CFAP58: variants seen among roughly 807,000 people sequenced by gnomAD.
The protein encoded by CFAP58 is cilia and flagella associated protein 58.
A neutral mutation model predicts 119.5 loss-of-function variants in CFAP58; 88 were observed. That is an observed-to-expected ratio of 0.74 (90% CI 0.62 to 0.88). The LOEUF is 0.88. Ranked by LOEUF, CFAP58 falls within the 40% of genes least tolerant of loss-of-function variation. The probability of loss-of-function intolerance (pLI) is 0.00; values close to 1 mark genes in which losing one functional copy is unlikely to be tolerated. For missense variants in CFAP58, 990 were observed against 1,021.2 expected (o/e 0.97, Z 0.42); for synonymous variants, 365 against 366.3 (o/e 1.00, Z 0.04).
chr10:104,370,930 C>T lies in CFAP58; in HGVS notation c.966C>T (p.Asp322=). The T allele has an allele frequency of 6.2e-7, 1 of 1,613,398 alleles. No individual in the cohort carries two copies. The highest frequency in any genetic ancestry group is 8.5e-7 in the Non-Finnish European group (1 of 1,179,824). Residue 322 remains aspartate, a synonymous_variant, in exon 7 of 18, where the codon GAC becomes GAT. Transcript: ENST00000369704. ...KEEEVHQMRL[D]IGKLNKIREQ... Reference sequence around the variant, plus strand: ...AAGAAGTCCATCAAATGCGCCTTGACATCGGGAAGCTCAACAAAATCAGAG... The same window carrying T: ...AAGAAGTCCATCAAATGCGCCTTGATATCGGGAAGCTCAACAAAATCAGAG...
In CFAP58 at chr10:104,361,562, A is replaced by T. The variant is rs188106615; in HGVS notation, c.292-461A>T. Among the ~76,000 whole-genome samples, 6 of 152,252 alleles carry T rather than the reference A, an allele frequency of 3.9e-5. No individual in the cohort carries two copies. The East Asian group carries it at 1.2e-3, about 29-fold the overall frequency. On this transcript the variant is annotated intron_variant, in intron 2 of 17. Transcript: ENST00000369704. ...TGATAAAACTTATTTTTTTCCTTTT[A>T]ATATCTGGACTTAGAAAGCACATAA...
chr10:104,445,264 A>G (rs1396821304), intron 15 of CFAP58, among the ~76,000 whole-genome samples: 1 of 149,488 alleles, frequency 6.7e-6, no homozygotes. Flanking sequence ...TTGAGGCTGC[A>G]GTGAGATATG....
At chr10:104,431,425 A>G (rs1429250620) in intron 15 of CFAP58, among the ~76,000 whole-genome samples, 2 of 152,244 alleles carry the variant, frequency 1.3e-5, no homozygotes, top group Non-Finnish European at 2.9e-5. Context: ...ACTAAATTTT[A>G]AAAACTTCCT....
chr10:104,452,778 A>G (rs1375046207), intron 17 of CFAP58, among the ~76,000 whole-genome samples: 1 of 152,244 alleles, frequency 6.6e-6, no homozygotes, highest in Non-Finnish European at 1.5e-5. Flanking sequence ...AAAGTTCTAG[A>G]AAGCTCTAGA....
At chr10:104,357,871 A>G (rs1352564933) in intron 1 of CFAP58, among the ~76,000 whole-genome samples, 1 of 127,424 alleles carries the variant, frequency 7.8e-6, no homozygotes, top group African/African-American at 3.0e-5. Context: ...ATATATACAC[A>G]TATATGTACA....
At chr10:104,400,517 G>A (rs978311477) in intron 12 of CFAP58, among the ~76,000 whole-genome samples, 163 bp from the exon 13 acceptor site, 2 of 152,080 alleles carry the variant, frequency 1.3e-5, no homozygotes, top group Non-Finnish European at 2.9e-5. Flanking sequence ...TAATGGGAGG[G>A]GTCCAGTGTT....
chr10:104,450,343 A>T (rs1001888214), intron 17 of CFAP58, 139 bp downstream of exon 17: 9 of 880,972 alleles, frequency 1.0e-5, no homozygotes, highest in Non-Finnish European at 1.4e-5. Context: ...TCTACAGGTC[A>T]CTAAGTTTGT....
chr10:104,381,888 G>C (rs1242699993), intron 9 of CFAP58, among the ~76,000 whole-genome samples: 1 of 152,112 alleles, frequency 6.6e-6, no homozygotes, highest in Non-Finnish European at 1.5e-5. Flanking sequence ...TTTCTCTTCT[G>C]ACTTAACCAT....
intron 11 of CFAP58, among the ~76,000 whole-genome samples, chr10:104,396,861 G>T (rs985300632): frequency 2.8e-4 from 42 of 152,118 alleles, no homozygotes; most frequent in African/African-American, 9.9e-4. Flanking sequence ...ACTGCTAAAT[G>T]CATTAGACCC....
At chr10:104,413,772 G>T (rs985421405) in intron 15 of CFAP58, among the ~76,000 whole-genome samples, 1 of 150,984 alleles carries the variant, frequency 6.6e-6, no homozygotes, top group African/African-American at 2.4e-5. Context: ...CTAATAATGG[G>T]CATAAGGCAT....
chr10:104,443,110 G>C (rs1273117580), intron 15 of CFAP58, among the ~76,000 whole-genome samples: 2 of 152,158 alleles, frequency 1.3e-5, no homozygotes, highest in African/African-American at 4.8e-5. Flanking sequence ...CATGGTTCTG[G>C]CCTTAAAGGC....
intron 15 of CFAP58, among the ~76,000 whole-genome samples, chr10:104,433,833 A>G (rs1229172184): frequency 2.0e-5 from 3 of 152,196 alleles, no homozygotes; most frequent in African/African-American, 7.2e-5. Context: ...TCATTGCTAC[A>G]TTGCATTTTT....
rs1037117137 is a variant in CFAP58 at position 104,427,365 on chromosome 10, G to T, written c.2257-20333G>T. Among the ~76,000 whole-genome samples, 8 of 152,276 alleles carry T rather than the reference G, an allele frequency of 5.3e-5. No individual in the cohort carries two copies. The South Asian group carries it at 1.7e-3, about 32-fold the overall frequency. On this transcript the variant is annotated intron_variant, in intron 15 of 17. Coordinates refer to ENST00000369704, the MANE Select transcript of CFAP58 (RefSeq NM_001008723.2). ...ATTTTCTTCAATATTGCCATGGTCT[G>T]ACTCTTAATCTAGTGAGAGGCAAAA...
chr10:104,396,947 C>T (rs941257467), intron 11 of CFAP58, among the ~76,000 whole-genome samples: 2 of 152,148 alleles, frequency 1.3e-5, no homozygotes, highest in Non-Finnish European at 2.9e-5. Context: ...AAATTTATGA[C>T]ATAAGGAGAC....
intron 15 of CFAP58, among the ~76,000 whole-genome samples, chr10:104,422,061 C>G (rs1268105926): frequency 6.6e-6 from 1 of 152,122 alleles, no homozygotes; most frequent in Admixed American, 6.5e-5. Flanking sequence ...GTGGCACACA[C>G]CTGTAGTCCC....
chr10:104,425,154 T>C (rs2012722704), intron 15 of CFAP58, among the ~76,000 whole-genome samples: 1 of 152,002 alleles, frequency 6.6e-6, no homozygotes. Context: ...AGAAGAAGAG[T>C]AACTACATAT....
At chr10:104,395,277 A>G (rs1405748371) in intron 11 of CFAP58, among the ~76,000 whole-genome samples, 1 of 152,250 alleles carries the variant, frequency 6.6e-6, no homozygotes, top group African/African-American at 2.4e-5. Flanking sequence ...AAAGTCCTGT[A>G]TCATTTGGAC....
intron 15 of CFAP58, among the ~76,000 whole-genome samples, chr10:104,444,472 A>T (rs1462995204): frequency 6.6e-6 from 1 of 152,236 alleles, no homozygotes; most frequent in Non-Finnish European, 1.5e-5. Context: ...TTTGTCTCTA[A>T]ATGGGGTTAT....
chr10:104,438,531 GCGCCC>G (rs1366829888), intron 15 of CFAP58, among the ~76,000 whole-genome samples: 8 of 151,732 alleles, frequency 5.3e-5, no homozygotes, highest in Admixed American at 2.0e-4. Context: ...GCCCGCCACA[GCGCCC>G]GGCTAATTTT....
Sources: gnomAD v4.1 joint callset for allele counts (sites outside exome capture counted in the v4.1 genomes callset) on GRCh38, gnomAD v4.1.1 for gene constraint, MANE v1.5 for transcripts, NCBI Gene and HGNC (gene_info 2026-07-23, HGNC 2026-07-21) for gene names.